ZNF506: variants seen among roughly 807,000 people sequenced by gnomAD.
ZNF506 encodes zinc finger protein 506.
Under a neutral mutation model 11.6 loss-of-function variants are expected in ZNF506, and 10 were observed. The ratio of observed to expected loss-of-function variants is 0.86; its 90% CI spans 0.53 to 1.46. ZNF506 has a LOEUF of 1.46. Ranked by LOEUF, ZNF506 falls within the 40% of genes most tolerant of loss-of-function variation. ZNF506 has a pLI of 0.00. For missense variants in ZNF506, 425 were observed against 521.2 expected (o/e 0.82, Z 1.80); for synonymous variants, 156 against 173.3 (o/e 0.90, Z 0.78).
rs1219266232 is a variant in ZNF506 at position 19,794,512 on chromosome 19, CCACATTCAT to C, written c.*31_*39del. The C allele has an allele frequency of 2.6e-6, 4 of 1,541,854 alleles. No homozygotes were observed. The highest frequency in any genetic ancestry group is 3.5e-6 in the Non-Finnish European group (4 of 1,147,828). ...AGTCCAGGGCTAGTTAAAGGCTTTC[CCACATTCAT>C]CACATTCATACGGTTTCTCTCCAGT... On this transcript the variant is annotated 3_prime_UTR_variant, in exon 4 of 4. Transcript: ENST00000540806.
intron 3 of ZNF506, among the ~76,000 whole-genome samples, chr19:19,802,535 CAAG>C (rs1425877937): frequency 6.6e-6 from 1 of 152,002 alleles, no homozygotes; most frequent in East Asian, 1.9e-4. Flanking sequence ...ATATGTAAAA[CAAG>C]TATTAGGAAA....
chr19:19,801,187 C>G (rs8108416), intron 3 of ZNF506, among the ~76,000 whole-genome samples: 40,742 of 151,546 alleles, frequency 0.27, 6,308 homozygotes, highest in African/African-American at 0.42. Context: ...GAAAAGAAAA[C>G]AAAACAAAAC....
At chr19:19,815,670 C>T (rs2062924788) in intron 1 of ZNF506, among the ~76,000 whole-genome samples, 2 of 152,192 alleles carry the variant, frequency 1.3e-5, no homozygotes, top group South Asian at 4.1e-4. Context: ...ATTCTGACAG[C>T]ACCCAGAGTC....
rs543132892 is a variant in ZNF506, at chr19:19,811,586, G to A, written c.4-4518C>T. On this transcript the variant is annotated intron_variant, in intron 1 of 3. Transcript: ENST00000540806. Reference sequence around the variant, plus strand: ...TGGTAGGCCGAGGTGGGTGGATCGCGAGGTCAGGAGTTCAAGACCAGCCTG... The same window carrying A: ...TGGTAGGCCGAGGTGGGTGGATCGCAAGGTCAGGAGTTCAAGACCAGCCTG... Among the ~76,000 whole-genome samples the A allele has an allele frequency of 5.9e-5, 9 of 152,202 alleles. No individual in the cohort carries two copies. In the South Asian group the frequency reaches 6.2e-4, roughly 11 times the overall value.
intron 1 of ZNF506, among the ~76,000 whole-genome samples, chr19:19,821,277 C>G (rs1332100759): frequency 6.6e-6 from 1 of 152,176 alleles, no homozygotes; most frequent in Non-Finnish European, 1.5e-5. Context: ...ACCCGCACCC[C>G]GAGTCAGGAT....
chr19:19,814,462 G>A (rs1324476025), intron 1 of ZNF506, among the ~76,000 whole-genome samples: 2 of 141,806 alleles, frequency 1.4e-5, no homozygotes, highest in East Asian at 4.2e-4. Context: ...CCAAATGCAT[G>A]TTATTATTTA....
chr19:19,821,057 A>T (rs2145213486), intron 1 of ZNF506, among the ~76,000 whole-genome samples: 1 of 152,086 alleles, frequency 6.6e-6, no homozygotes, highest in East Asian at 1.9e-4. Flanking sequence ...TTGCCATCAC[A>T]CACAGCTAAC....
intron 3 of ZNF506, among the ~76,000 whole-genome samples, chr19:19,799,872 CA>C (rs35531969): frequency 0.51 from 66,216 of 128,590 alleles, 15,981 homozygotes; most frequent in East Asian, 0.7. Context: ...CAACAGTCTT[CA>C]AAAAAAAAAA....
At chr19:19,807,206 C>T in intron 1 of ZNF506, 138 bp from the exon 2 acceptor site, 1 of 1,407,168 alleles carries the variant, frequency 7.1e-7, no homozygotes. Context: ...TGATTTTCAA[C>T]ACAGAAATAT....
chr19:19,815,635 C>T (rs1228542011), intron 1 of ZNF506, among the ~76,000 whole-genome samples: 1 of 152,184 alleles, frequency 6.6e-6, no homozygotes, highest in African/African-American at 2.4e-5. Context: ...AATTCTCCAA[C>T]ACTAACTTAT....
Position 19,821,703 on chromosome 19 carries a change from A to G in ZNF506, c.-100T>C. 1 of 1,446,448 alleles carries G rather than the reference A, an allele frequency of 6.9e-7. No homozygotes were observed. Among genetic ancestry groups the G allele is most frequent in the Admixed American group, 1.7e-5 (1 of 59,278 alleles). 89.6% of individuals were successfully genotyped at this position (1,446,448 alleles called of 1,614,324 possible). A position where few individuals can be genotyped will look rare whatever the true frequency, so the allele number is the denominator to read the frequency against. ...CTGGGCCTCTAGGAGCTGACGGCACAGAGCAGTGAAGACGATAGCTGGATC... is the reference window on the plus strand; with the variant it reads ...CTGGGCCTCTAGGAGCTGACGGCACGGAGCAGTGAAGACGATAGCTGGATC... On this transcript the variant is annotated 5_prime_UTR_variant, in exon 1 of 4. Transcript: ENST00000540806.
rs376766586 is a variant in ZNF506, at chr19:19,807,041, T to C, written c.31A>G (p.Ile11Val). 1.3e-5 allele frequency: 21 copies of C among 1,613,930 alleles called. No individual in the cohort carries two copies. The highest frequency in any genetic ancestry group is 1.6e-4 in the Middle Eastern group (1 of 6,084). MGPLQFRDVAIEFSLEEWHCL... is the reference protein window; with the variant it reads MGPLQFRDVAVEFSLEEWHCL... ...TGCCACTCCTCCAGAGAGAATTCTA[T>C]GGCCACATCTCTAAATTGCAATGGT... The change falls in exon 2 of 4, where the codon ATA becomes GTA. Residue 11 changes from isoleucine (I) to valine (V), a missense_variant. Coordinates refer to ENST00000540806, the MANE Select transcript of ZNF506 (RefSeq NM_001099269.3).
rs757587988 is a variant in ZNF506, at chr19:19,794,817, G to C, written c.1070C>G (p.Ser357Cys). The C allele has an allele frequency of 3.0e-5, 48 of 1,613,664 alleles. No individual in the cohort carries two copies. The African/African-American group carries it at 5.5e-4, about 18-fold the overall frequency. ...GKTFTWYSSL[S>C]KHKRAHTGEK... ...TCCAGTATGAGCTCTCTTATGTTTAGAGAGGCTTGAGTACCAGGTAAAGGT... is the reference window on the plus strand; with the variant it reads ...TCCAGTATGAGCTCTCTTATGTTTACAGAGGCTTGAGTACCAGGTAAAGGT... The change falls in exon 4 of 4, where the codon TCT becomes TGT. Residue 357 changes from serine to cysteine, a missense_variant. This residue lies in a region of ZNF506 where 192 missense variants were observed against 215.7 expected (regional missense o/e 0.89). Transcript: ENST00000540806.
intron 2 of ZNF506, 129 bp from the exon 3 acceptor site, chr19:19,806,255 G>C: frequency 1.5e-6 from 1 of 655,956 alleles, no homozygotes; most frequent in South Asian, 3.8e-5. Flanking sequence ...AGTTATAACA[G>C]AAATTTTTTT....
intron 1 of ZNF506, 44 bp from the exon 2 acceptor site, chr19:19,807,112 TG>T: frequency 6.2e-7 from 1 of 1,608,962 alleles, no homozygotes; most frequent in Non-Finnish European, 8.5e-7. Flanking sequence ...TGGCCATGGG[TG>T]GAATTTTTAA....
intron 3 of ZNF506, chr19:19,798,654 C>CAAAAAAAAAAA (rs1169444252): frequency 2.5e-5 from 1 of 39,426 alleles, no homozygotes; most frequent in Non-Finnish European, 4.6e-5. Flanking sequence ...GACTCCGTCT[C>CAAAAAAAAAAA]AAAAAAAAAA....
Position 19,808,326 on chromosome 19 carries a change from T to C in ZNF506, c.4-1258A>G, listed in dbSNP as rs888623768. 5.4e-5 allele frequency among the ~76,000 whole-genome samples: 8 copies of C among 149,094 alleles called. 1 individual carries two copies. In the South Asian group the frequency reaches 1.1e-3, roughly 20 times the overall value. On this transcript the variant is annotated intron_variant, in intron 1 of 3. Transcript: ENST00000540806. ...TTTTAGTAGAGACGGGGTTTCACCA[T>C]GTTAGCCAGGATGGTCTCGATTTCC...
chr19:19,812,500 A>G (rs1266191484), intron 1 of ZNF506, among the ~76,000 whole-genome samples: 1 of 152,232 alleles, frequency 6.6e-6, no homozygotes, highest in Non-Finnish European at 1.5e-5. Context: ...GGCTCTGGAT[A>G]CTTTGCAGCC....
Position 19,794,549 on chromosome 19 carries a change from G to T in ZNF506, c.*3C>A. ...CATTCATACGGTTTCTCTCCAGTAT[G>T]AATTATCTTATGCTTATTAAGGGTT... On this transcript the variant is annotated 3_prime_UTR_variant, in exon 4 of 4. Coordinates refer to ENST00000540806, the MANE Select transcript of ZNF506 (RefSeq NM_001099269.3). The T allele has an allele frequency of 1.3e-6, 2 of 1,582,034 alleles. No homozygotes were observed. Among genetic ancestry groups the T allele is most frequent in the Non-Finnish European group, 1.7e-6 (2 of 1,166,830 alleles).
Sources: allele counts gnomAD v4.1 joint callset (sites outside exome capture counted in the v4.1 genomes callset), GRCh38; gene constraint gnomAD v4.1.1; regional missense constraint gnomAD v4.1.1; transcripts MANE v1.5; gene names NCBI Gene and HGNC (gene_info 2026-07-23, HGNC 2026-07-21).